The following LRFN5 variants were observed in gnomAD, a reference collection of about 807,000 sequenced individuals.
The protein encoded by LRFN5 is leucine rich repeat and fibronectin type III domain containing 5, also known as leucine-rich repeat and fibronectin type-III domain-containing protein 5.
Under a neutral mutation model 45.6 loss-of-function variants are expected in LRFN5, and 24 were observed. The ratio of observed to expected loss-of-function variants is 0.53; its 90% CI spans 0.38 to 0.74. The LOEUF is 0.74. LRFN5 is among the 30% of genes least tolerant of loss of function. The pLI is 0.00. For synonymous variants in LRFN5, 340 were observed against 313.8 expected (o/e 1.08, Z -0.88); for missense variants, 776 against 861.5 (o/e 0.90, Z 1.24).
intron 2 of LRFN5, among the ~76,000 whole-genome samples, chr14:41,787,743 C>T (rs1458663781): frequency 2.6e-5 from 4 of 151,436 alleles, no homozygotes; most frequent in Non-Finnish European, 4.4e-5. Context: ...TGTATTTTCT[C>T]CTTGTAGTTT....
intron 2 of LRFN5, among the ~76,000 whole-genome samples, chr14:41,789,012 C>G (rs1413264617): frequency 2.6e-5 from 4 of 151,882 alleles, no homozygotes; most frequent in African/African-American, 9.6e-5. Context: ...TTAAAAATAC[C>G]TAATTTCCTA....
chr14:41,612,024 A>G (rs1328841713), intron 1 of LRFN5, among the ~76,000 whole-genome samples: 1 of 152,114 alleles, frequency 6.6e-6, no homozygotes, highest in Non-Finnish European at 1.5e-5. Flanking sequence ...TCACTCTTTC[A>G]TCTTTTCATA....
intron 1 of LRFN5, among the ~76,000 whole-genome samples, chr14:41,626,768 A>G (rs529314438): frequency 5.1e-4 from 77 of 152,202 alleles, no homozygotes; most frequent in African/African-American, 1.8e-3. Context: ...CGTATAATAC[A>G]ACTGTGTATT....
chr14:41,621,872 C>T (rs1566591539), intron 1 of LRFN5, among the ~76,000 whole-genome samples: 1 of 151,960 alleles, frequency 6.6e-6, no homozygotes, highest in Non-Finnish European at 1.5e-5. Context: ...AGGGTCGCTT[C>T]GCATTATAGC....
chr14:41,813,592 T>C (rs193137871), intron 2 of LRFN5, among the ~76,000 whole-genome samples: 1 of 152,296 alleles, frequency 6.6e-6, no homozygotes, highest in Admixed American at 6.5e-5. Flanking sequence ...CCATCTATCA[T>C]TGATGGACAT....
intron 1 of LRFN5, among the ~76,000 whole-genome samples, chr14:41,723,125 C>A (rs952578047): frequency 1.3e-5 from 2 of 152,164 alleles, no homozygotes; most frequent in African/African-American, 4.8e-5. Flanking sequence ...CAGTGCAGCA[C>A]GATCGCTCCA....
chr14:41,754,244 G>T (rs1566653628), intron 1 of LRFN5, among the ~76,000 whole-genome samples: 1 of 152,030 alleles, frequency 6.6e-6, no homozygotes, highest in African/African-American at 2.4e-5. Context: ...TTGTGTCTCT[G>T]CCAGGCTTTG....
intron 2 of LRFN5, among the ~76,000 whole-genome samples, chr14:41,800,427 T>G (rs1331894917): frequency 6.6e-6 from 1 of 151,954 alleles, no homozygotes; most frequent in African/African-American, 2.4e-5. Flanking sequence ...TGTATTAACA[T>G]ATAGGTTATC....
intron 4 of LRFN5, 53 bp downstream of exon 4, chr14:41,892,015 C>T: frequency 6.3e-7 from 1 of 1,576,860 alleles, no homozygotes; most frequent in Non-Finnish European, 8.6e-7. Context: ...ACAAGTACTC[C>T]CTCAATGGAG....
intron 5 of LRFN5, 119 bp downstream of exon 5, chr14:41,899,079 A>C (rs1891028831): frequency 1.3e-6 from 1 of 764,674 alleles, no homozygotes; most frequent in Admixed American, 3.0e-5. Flanking sequence ...TTCTTTTAAA[A>C]TTTACTTATA....
chr14:41,803,246 T>C (rs1051313184), intron 2 of LRFN5, among the ~76,000 whole-genome samples: 1 of 152,186 alleles, frequency 6.6e-6, no homozygotes, highest in Non-Finnish European at 1.5e-5. Context: ...GATGTGCAGT[T>C]TTTAAGTTTT....
chr14:41,612,110 G>C (rs987129098), intron 1 of LRFN5, among the ~76,000 whole-genome samples: 10 of 152,290 alleles, frequency 6.6e-5, no homozygotes, highest in Admixed American at 3.3e-4. Flanking sequence ...TTTTGGCTTA[G>C]TAGTTTTGCT....
chr14:41,869,798 A>C (rs1226016854), intron 2 of LRFN5, among the ~76,000 whole-genome samples: 1 of 152,032 alleles, frequency 6.6e-6, no homozygotes, highest in Non-Finnish European at 1.5e-5. Flanking sequence ...GAACAGCAAG[A>C]GAAAGACCCA....
chr14:41,610,661 T>TAAAAAAAAAAAAAAAACAA lies in LRFN5; in HGVS notation c.-197+2115_-197+2116insCAAAAAAAAAAAAAAAAAA, dbSNP rs1887712494. 5.4e-5 allele frequency among the ~76,000 whole-genome samples: 2 copies of TAAAAAAAAAAAAAAAACAA among 37,340 alleles called. 1 individual carries two copies. The allele number at this position is 37,340 out of a possible 152,430, so 24.5% of individuals were successfully genotyped here. A position where few individuals can be genotyped will look rare whatever the true frequency, so the allele number is the denominator to read the frequency against. On this transcript the variant is annotated intron_variant, in intron 1 of 5. Transcript: ENST00000298119. ...TACCCCTCTGAGGTCCCAGGGAAGG[T>TAAAAAAAAAAAAAAAACAA]AAAAAAAAAAAAAAAAAAAAAAGTG...
chr14:41,679,039 A>G (rs1176805375), intron 1 of LRFN5, among the ~76,000 whole-genome samples: 2 of 113,548 alleles, frequency 1.8e-5, no homozygotes, highest in Admixed American at 9.8e-5. Context: ...GCTGGTGTCC[A>G]TGGAGTGAGT....
rs1311573165 is a variant in LRFN5, at chr14:41,674,506, TGACCCC to T, written c.-197+65945_-197+65950del. Among the ~76,000 whole-genome samples, 26 of 134,740 alleles carry T rather than the reference TGACCCC, an allele frequency of 1.9e-4. 1 individual carries two copies. Among genetic ancestry groups the T allele is most frequent in the African/African-American group, 6.3e-4 (22 of 34,920 alleles). 88.4% of individuals were successfully genotyped at this position (134,740 alleles called of 152,430 possible). A position where few individuals can be genotyped will look rare whatever the true frequency, so the allele number is the denominator to read the frequency against. ...CGGGGTGGCTGGCCGGGCGGGGGGC[TGACCCC>T]TCCACCTCTCTCCAGGACGGGGCGG... On this transcript the variant is annotated intron_variant, in intron 1 of 5. Coordinates refer to ENST00000298119, the MANE Select transcript of LRFN5 (RefSeq NM_152447.5).
chr14:41,878,766 A>G (rs1890273666), intron 2 of LRFN5, among the ~76,000 whole-genome samples: 1 of 152,114 alleles, frequency 6.6e-6, no homozygotes, highest in Non-Finnish European at 1.5e-5. Flanking sequence ...AAAAACATAG[A>G]TAGTATGTTT....
At chr14:41,711,905 A>G (rs1403843197) in intron 1 of LRFN5, among the ~76,000 whole-genome samples, 6 of 152,212 alleles carry the variant, frequency 3.9e-5, no homozygotes, top group African/African-American at 7.2e-5. Context: ...CATATATATG[A>G]ATCAAAATGA....
chr14:41,610,741 A>T (rs549866386), intron 1 of LRFN5, among the ~76,000 whole-genome samples: 2 of 146,198 alleles, frequency 1.4e-5, no homozygotes, highest in South Asian at 4.3e-4. Context: ...ATTGGGAATA[A>T]ATTTAAAAAA....
Sources: gnomAD v4.1 joint callset for allele counts (sites outside exome capture counted in the v4.1 genomes callset) on GRCh38, gnomAD v4.1.1 for gene constraint, MANE v1.5 for transcripts, NCBI Gene and HGNC (gene_info 2026-07-23, HGNC 2026-07-21) for gene names.